MYO1D: variants seen among roughly 807,000 people sequenced by gnomAD.
The protein encoded by MYO1D is myosin ID, also known as unconventional myosin-Id.
Under a neutral mutation model 122.0 loss-of-function variants are expected in MYO1D, and 83 were observed. That is an observed-to-expected ratio of 0.68 (90% confidence interval 0.57 to 0.82). The LOEUF (loss-of-function observed/expected upper bound fraction) is 0.82. Ranked by LOEUF, MYO1D falls within the 40% of genes least tolerant of loss-of-function variation. The probability of loss-of-function intolerance (pLI) is 0.00; values close to 1 mark genes in which losing one functional copy is unlikely to be tolerated. For missense variants in MYO1D, 1,157 were observed against 1,269.5 expected (o/e 0.91, Z 1.35); for synonymous variants, 464 against 446.9 (o/e 1.04, Z -0.48).
At chr17:32,576,134 A>G (rs1209418006) in intron 21 of MYO1D, among the ~76,000 whole-genome samples, 1 of 152,230 alleles carries the variant, frequency 6.6e-6, no homozygotes, top group Admixed American at 6.5e-5. Flanking sequence ...GTGAGTCAGG[A>G]GAAGAAAGAG....
intron 1 of MYO1D, among the ~76,000 whole-genome samples, chr17:32,865,735 C>T (rs574511107): frequency 5.9e-5 from 9 of 152,304 alleles, no homozygotes; most frequent in African/African-American, 2.2e-4. Context: ...CAATCCCATG[C>T]TGGGATAATT....
At chr17:32,696,101 T>G (rs1034700467) in intron 16 of MYO1D, among the ~76,000 whole-genome samples, 1 of 152,148 alleles carries the variant, frequency 6.6e-6, no homozygotes, top group Non-Finnish European at 1.5e-5. Flanking sequence ...TGCTTGCATA[T>G]TGTTGCATTT....
chr17:32,553,109 A>AC (rs1375301231), intron 21 of MYO1D, among the ~76,000 whole-genome samples: 1 of 151,458 alleles, frequency 6.6e-6, no homozygotes, highest in Non-Finnish European at 1.5e-5. Context: ...AAAACAAAAA[A>AC]AAAAACAAAA....
chr17:32,562,315 T>G (rs2087133262), intron 21 of MYO1D, among the ~76,000 whole-genome samples: 3 of 144,802 alleles, frequency 2.1e-5, no homozygotes. Context: ...CACTTTCCTT[T>G]GACATCAAAA....
chr17:32,683,951 G>A (rs1034959419), intron 16 of MYO1D, among the ~76,000 whole-genome samples: 7 of 152,152 alleles, frequency 4.6e-5, no homozygotes, highest in Admixed American at 3.3e-4. Context: ...GTCTCGTGGT[G>A]CGCCGTTTTT....
intron 1 of MYO1D, among the ~76,000 whole-genome samples, chr17:32,792,060 T>C (rs1052756753): frequency 6.6e-6 from 1 of 152,234 alleles, no homozygotes; most frequent in African/African-American, 2.4e-5. Context: ...GTATTCCATT[T>C]CATGGGTGAT....
At chr17:32,810,501 A>G (rs2090561033) in intron 1 of MYO1D, among the ~76,000 whole-genome samples, 1 of 149,224 alleles carries the variant, frequency 6.7e-6, no homozygotes, top group African/African-American at 2.5e-5. Context: ...TTTTTGAGAC[A>G]GAGTCTCGCT....
intron 19 of MYO1D, among the ~76,000 whole-genome samples, chr17:32,653,609 A>AAG (rs1478340770): frequency 1.5e-4 from 3 of 20,492 alleles, no homozygotes; most frequent in African/African-American, 3.2e-4. Flanking sequence ...TCCGTCTCCA[A>AAG]AAAAAAAAAA....
At position 32,494,539 on chromosome 17, in the gene MYO1D, C is replaced by T. The variant is rs1258149597; in HGVS notation, c.*220G>A. On this transcript the variant is annotated 3_prime_UTR_variant, in exon 22 of 22. Transcript: ENST00000318217. ...TCAGCCCAGGGGTCTGGGCGGGGCA[C>T]CAGGGTCTTTGGCTTATTGAACAGG... 3 of 608,294 alleles carry T rather than the reference C, an allele frequency of 4.9e-6. No homozygotes were observed. Among genetic ancestry groups the T allele is most frequent in the East Asian group, 6.0e-5 (2 of 33,322 alleles). The allele number at this position is 608,294 out of a possible 1,614,324, so 37.7% of individuals were successfully genotyped here. A position where few individuals can be genotyped will look rare whatever the true frequency, so the allele number is the denominator to read the frequency against.
chr17:32,587,331 G>A (rs2087397320), intron 21 of MYO1D, among the ~76,000 whole-genome samples: 1 of 152,102 alleles, frequency 6.6e-6, no homozygotes, highest in Admixed American at 6.6e-5. Context: ...GGCCAACATG[G>A]TGAAACCCCG....
At chr17:32,702,360 T>C (rs1689816) in intron 16 of MYO1D, among the ~76,000 whole-genome samples, 64,529 of 152,048 alleles carry the variant, frequency 0.42, 13,796 homozygotes, top group East Asian at 0.54. Flanking sequence ...GTTTATTATT[T>C]TGAATTAAGA....
chr17:32,738,961 A>G (rs2089742141), intron 13 of MYO1D, among the ~76,000 whole-genome samples: 1 of 152,212 alleles, frequency 6.6e-6, no homozygotes, highest in African/African-American at 2.4e-5. Context: ...ATCTGTAGGT[A>G]GCATTGGCAG....
intron 2 of MYO1D, among the ~76,000 whole-genome samples, chr17:32,779,041 G>GA (rs1163115024): frequency 6.6e-6 from 1 of 152,050 alleles, no homozygotes; most frequent in Non-Finnish European, 1.5e-5. Context: ...TAATTTTAGT[G>GA]AAAAAACAAA....
intron 1 of MYO1D, among the ~76,000 whole-genome samples, chr17:32,824,082 A>AAG (rs1376404362): frequency 3.3e-5 from 5 of 151,608 alleles, no homozygotes; most frequent in East Asian, 1.9e-4. Context: ...AAAAAAAAAA[A>AAG]AAGAAGTACT....
intron 16 of MYO1D, among the ~76,000 whole-genome samples, chr17:32,675,290 T>C (rs1260905357): frequency 6.6e-6 from 1 of 152,212 alleles, no homozygotes; most frequent in Non-Finnish European, 1.5e-5. Flanking sequence ...TAAAGTAGAA[T>C]GCTGGATATA....
chr17:32,595,855 G>T (rs2087486701), intron 21 of MYO1D, among the ~76,000 whole-genome samples: 1 of 152,146 alleles, frequency 6.6e-6, no homozygotes, highest in Non-Finnish European at 1.5e-5. Context: ...GATTAGGGGG[G>T]TTTGGGGACA....
chr17:32,582,304 T>C (rs1179758300), intron 21 of MYO1D, among the ~76,000 whole-genome samples: 1 of 152,254 alleles, frequency 6.6e-6, no homozygotes, highest in Admixed American at 6.5e-5. Flanking sequence ...TTTATTGTCC[T>C]GTATATTTCC....
At chr17:32,728,371 T>C (rs759586062) in intron 14 of MYO1D, among the ~76,000 whole-genome samples, 5 of 152,168 alleles carry the variant, frequency 3.3e-5, no homozygotes, top group Admixed American at 6.5e-5. Context: ...CATGCCTGGC[T>C]AATTTTTTGT....
chr17:32,810,461 A>G (rs1371436932), intron 1 of MYO1D, among the ~76,000 whole-genome samples: 3 of 151,876 alleles, frequency 2.0e-5, no homozygotes, highest in African/African-American at 7.3e-5. Context: ...TTGGGGAACC[A>G]TAAGGTTAAG....
Sources: allele counts gnomAD v4.1 joint callset (sites outside exome capture counted in the v4.1 genomes callset), GRCh38; gene constraint gnomAD v4.1.1; transcripts MANE v1.5; gene names NCBI Gene and HGNC (gene_info 2026-07-23, HGNC 2026-07-21).